Variants in ARHGEF10 observed in about 807,000 individuals in gnomAD.
ARHGEF10 encodes the protein Rho guanine nucleotide exchange factor 10, also known as Rho guanine nucleotide exchange factor (GEF) 10.
ARHGEF10 carries 140 observed loss-of-function variants against 147.4 expected under a neutral mutation model. The ratio of observed to expected loss-of-function variants is 0.95; its 90% CI spans 0.83 to 1.09. The LOEUF (loss-of-function observed/expected upper bound fraction) is 1.09. ARHGEF10 is among the 50% of genes least tolerant of loss of function. ARHGEF10 has a pLI of 0.00. For missense variants in ARHGEF10, 2,222 were observed against 1,752.7 expected (o/e 1.27, Z -4.78); for synonymous variants, 902 against 695.8 (o/e 1.30, Z -4.67).
chr8:1,907,205 T>C (rs529760231), intron 17 of ARHGEF10, among the ~76,000 whole-genome samples: 1 of 152,318 alleles, frequency 6.6e-6, no homozygotes, highest in East Asian at 1.9e-4. Context: ...GTGCTTCCCA[T>C]AGTGTGGAGA....
chr8:1,845,921 G>T (rs930870061), intron 2 of ARHGEF10, among the ~76,000 whole-genome samples: 15 of 151,534 alleles, frequency 9.9e-5, no homozygotes, highest in African/African-American at 3.7e-4. Context: ...GGGGCTGGGG[G>T]TGTCTCCATA....
At chr8:1,844,479 C>CGGGG (rs1804388513) in intron 2 of ARHGEF10, among the ~76,000 whole-genome samples, 1 of 18,164 alleles carries the variant, frequency 5.5e-5, no homozygotes, top group Non-Finnish European at 1.7e-4. Flanking sequence ...CAGTGGCCAC[C>CGGGG]CCAGAAACAG....
chr8:1,951,902 T>C (rs80278723), intron 27 of ARHGEF10, among the ~76,000 whole-genome samples: 2 of 7,140 alleles, frequency 2.8e-4, no homozygotes, highest in Non-Finnish European at 7.0e-4. Flanking sequence ...TGCAGTGAGG[T>C]GGGGTCTTCC....
rs777996081 is a variant in ARHGEF10 at position 1,894,538 on chromosome 8, C to G, written c.1406C>G (p.Ser469Cys). The G allele has an allele frequency of 1.2e-6, 2 of 1,614,160 alleles. No homozygotes were observed. The highest frequency in any genetic ancestry group is 2.2e-5 in the East Asian group (1 of 44,882). Residue 469 changes from serine to cysteine, a missense_variant, in exon 13 of 29, where the codon TCC (serine) becomes TGC (cysteine). Physicochemically the swap from Ser to Cys is moderately radical, Grantham distance 112. Coordinates refer to ENST00000349830, the MANE Select transcript of ARHGEF10 (RefSeq NM_014629.4). ...GCCAGCCGCGTTTCCGAGTGGGACT[C>G]CGTGGAAATGATAGGCGATGTCTTC... is the stretch of plus-strand genomic sequence containing the variant. The part of the protein sequence containing the change: ...ALASRVSEWD[S>C]VEMIGDVFVA...
intron 27 of ARHGEF10, among the ~76,000 whole-genome samples, chr8:1,949,443 C>T (rs892264295): frequency 6.6e-6 from 1 of 152,120 alleles, no homozygotes. Context: ...GTAGAGTTTA[C>T]AGCGAGTGAG....
At chr8:1,906,564 C>T (rs1239130332) in intron 17 of ARHGEF10, among the ~76,000 whole-genome samples, 1 of 152,162 alleles carries the variant, frequency 6.6e-6, no homozygotes, top group Non-Finnish European at 1.5e-5. Context: ...GATATATCTG[C>T]CTGCCCTCCT....
At chr8:1,838,116 T>G (rs1489421909) in intron 1 of ARHGEF10, among the ~76,000 whole-genome samples, 1 of 152,224 alleles carries the variant, frequency 6.6e-6, no homozygotes, top group Admixed American at 6.5e-5. Context: ...TGGTGCACCG[T>G]GGAAGGAACA....
intron 22 of ARHGEF10, among the ~76,000 whole-genome samples, chr8:1,925,669 G>A (rs1220792535): frequency 6.6e-6 from 1 of 152,224 alleles, no homozygotes; most frequent in Non-Finnish European, 1.5e-5. Flanking sequence ...CTGAGGCCTT[G>A]TTAGTTAAAG....
In ARHGEF10 at chr8:1,909,297, C is replaced by A. The variant is rs1379604957; in HGVS notation, c.1970C>A (p.Pro657His). ...CAAGGATCTTTTGGTCGTTTCAGCC[C>A]CTCTCATGACAGCCGTGTGATGAGC... ...VLMCATVSSR[P>H]SHDSRVMSSQ... The change falls in exon 18 of 29, where the codon CCC becomes CAC. Residue 657 changes from proline to histidine, a missense_variant and splice_region_variant. By Grantham distance (77) the Pro-to-His change is moderately conservative. Coordinates refer to ENST00000349830, the MANE Select transcript of ARHGEF10 (RefSeq NM_014629.4). 4.3e-6 allele frequency: 7 copies of A among 1,614,104 alleles called. No individual in the cohort carries two copies. The highest frequency in any genetic ancestry group is 1.3e-5 in the African/African-American group (1 of 74,928).
intron 1 of ARHGEF10, among the ~76,000 whole-genome samples, chr8:1,839,492 T>TGGTGTGGAAACTGTCC (rs1803821412): frequency 1.6e-5 from 2 of 123,942 alleles, no homozygotes; most frequent in Non-Finnish European, 3.4e-5. Context: ...GGAAACTGTC[T>TGGTGTGGAAACTGTCC]GGTGTGGGGA....
chr8:1,858,011 A>G lies in ARHGEF10; in HGVS notation c.89A>G (p.Gln30Arg), dbSNP rs749763498. Residue 30 changes from glutamine (Q) to arginine (R), a missense_variant, in exon 3 of 29, where the codon CAG becomes CGG. Physicochemically the swap from Gln to Arg is conservative, Grantham distance 43. Transcript: ENST00000349830. ...TNNNEEEEGE[Q>R]FDFDSGDEIP... ...AATAATGAAGAGGAAGAGGGAGAAC[A>G]GTTCGATTTTGACAGTGGAGATGAA... 1.2e-6 allele frequency: 2 copies of G among 1,614,030 alleles called. No homozygotes were observed. Among genetic ancestry groups the G allele is most frequent in the African/African-American group, 1.3e-5 (1 of 74,904 alleles).
rs759449849 is a variant in ARHGEF10, at chr8:1,891,076, G to A, written c.1183-2493G>A. Among the ~76,000 whole-genome samples the A allele has an allele frequency of 8.5e-5, 13 of 152,254 alleles. No homozygotes were observed. In the East Asian group the frequency reaches 1.5e-3, roughly 18 times the overall value. ...CTATTTCCATCTTGCTTATCCCACC[G>A]TAATGGTTCAGTGAAGTCCTGTATA... is the stretch of plus-strand genomic sequence containing the variant. On this transcript the variant is annotated intron_variant, in intron 11 of 28. Coordinates refer to ENST00000349830, the MANE Select transcript of ARHGEF10 (RefSeq NM_014629.4).
intron 27 of ARHGEF10, among the ~76,000 whole-genome samples, chr8:1,951,739 G>T (rs1469943962): frequency 6.6e-6 from 1 of 152,252 alleles, no homozygotes; most frequent in Non-Finnish European, 1.5e-5. Context: ...GCTAAACAGA[G>T]AAACACTGGG....
intron 18 of ARHGEF10, among the ~76,000 whole-genome samples, chr8:1,915,896 C>T (rs954269035): frequency 5.3e-5 from 8 of 152,302 alleles, no homozygotes; most frequent in South Asian, 2.1e-4. Context: ...TGAACTTAGA[C>T]GCCGATGCAT....
Position 1,922,944 on chromosome 8 carries a change from T to G in ARHGEF10, c.2144-20T>G, listed in dbSNP as rs1227847422. ...GCTTTACCTTTGTATTCTTTTTTTTTCTTTTTGCTTATTTTGTAGACAAAG... is the reference window on the plus strand; with the variant it reads ...GCTTTACCTTTGTATTCTTTTTTTTGCTTTTTGCTTATTTTGTAGACAAAG... On this transcript the variant is annotated intron_variant, in intron 18 of 28. Coordinates refer to ENST00000349830, the MANE Select transcript of ARHGEF10 (RefSeq NM_014629.4). The G allele has an allele frequency of 1.3e-6, 2 of 1,541,968 alleles. No individual in the cohort carries two copies. Among genetic ancestry groups the G allele is most frequent in the Non-Finnish European group, 1.8e-6 (2 of 1,116,100 alleles).
intron 2 of ARHGEF10, among the ~76,000 whole-genome samples, chr8:1,852,041 C>T: frequency 6.6e-6 from 1 of 152,110 alleles, no homozygotes; most frequent in African/African-American, 2.4e-5. Flanking sequence ...CGTTAGCCGT[C>T]TTGATAGCTC....
intron 1 of ARHGEF10, chr8:1,826,087 G>T (rs754859764): frequency 6.3e-7 from 1 of 1,592,396 alleles, no homozygotes; most frequent in Non-Finnish European, 8.5e-7. Flanking sequence ...CGGCAGTTAC[G>T]GATGCATAAC....
chr8:1,946,312 G>A (rs1012999276), intron 27 of ARHGEF10, among the ~76,000 whole-genome samples: 7 of 152,318 alleles, frequency 4.6e-5, no homozygotes, highest in African/African-American at 1.7e-4. Flanking sequence ...AGTTTTAAGG[G>A]GAAGGCATGA....
In ARHGEF10 at chr8:1,882,756, GCCTGCAGGTCTT is replaced by G. The variant is rs1563224772; in HGVS notation, c.1075+9_1075+20del. On this transcript the variant is annotated splice_region_variant and intron_variant, in intron 10 of 28. Coordinates refer to ENST00000349830, the MANE Select transcript of ARHGEF10 (RefSeq NM_014629.4). ...AAGTCTCTCATCGCACAGGGTCCGT[GCCTGCAGGTCTT>G]CTTGCGGGGAGGACACGGGGTTGGG... 6.5e-7 allele frequency: 1 copy of G among 1,540,746 alleles called. No individual in the cohort carries two copies. The highest frequency in any genetic ancestry group is 1.2e-5 in the South Asian group (1 of 83,720).
Sources: allele counts gnomAD v4.1 joint callset (sites outside exome capture counted in the v4.1 genomes callset), GRCh38; gene constraint gnomAD v4.1.1; transcripts MANE v1.5; gene names NCBI Gene and HGNC (gene_info 2026-07-23, HGNC 2026-07-21).